EPM2A: variants seen among roughly 807,000 people sequenced by gnomAD.
The protein encoded by EPM2A is laforin.
In EPM2A, 21 loss-of-function variants were observed where a neutral mutation model predicts 26.5. The ratio of observed to expected loss-of-function variants is 0.79; its 90% CI spans 0.56 to 1.14. The LOEUF (loss-of-function observed/expected upper bound fraction) is 1.14, where lower values mean the gene tolerates loss of function less well. Among genes scored for constraint, EPM2A ranks in the 50% most tolerant of loss-of-function variants. The probability of loss-of-function intolerance (pLI) is 0.00; values close to 1 mark genes in which losing one functional copy is unlikely to be tolerated. For missense variants in EPM2A, 458 were observed against 440.8 expected, an observed-to-expected ratio of 1.04 and a Z score of -0.35; for synonymous variants, 217 against 177.6, an observed-to-expected ratio of 1.22 and a Z score of -1.76.
rs1178059041 is a variant in EPM2A, at chr6:145,502,911, T to C, written c.341-336A>G. Reference sequence around the variant, plus strand: ...TAATGCAGATTCATAATATTCATGATGAATACATATTAAGATTATTTTGAA... The same window carrying C: ...TAATGCAGATTCATAATATTCATGACGAATACATATTAAGATTATTTTGAA... On this transcript the variant is annotated intron_variant, in intron 2 of 3. Coordinates refer to the EPM2A transcript ENST00000450221. 2.0e-5 allele frequency among the ~76,000 whole-genome samples: 3 copies of C among 152,356 alleles called. No homozygotes were observed. In the East Asian group the frequency reaches 5.8e-4, roughly 29 times the overall value.
At chr6:145,534,372 C>G (rs904239036) in intron 2 of EPM2A, among the ~76,000 whole-genome samples, 1 of 152,194 alleles carries the variant, frequency 6.6e-6, no homozygotes, top group Non-Finnish European at 1.5e-5. Flanking sequence ...CAAGACAATT[C>G]AGAAAGTTTT....
chr6:145,393,534 C>T lies in EPM2A; in HGVS notation c.556-9437G>A, dbSNP rs148872576. Among the ~76,000 whole-genome samples the T allele has an allele frequency of 1.6e-3, 249 of 152,150 alleles. 2 individuals carry two copies. Among genetic ancestry groups the T allele is most frequent in the African/African-American group, 5.4e-3 (226 of 41,528 alleles). ...CCCCATTATAAGAATAGGGGTACTA[C>T]GACGAAGGGAAGAGAATTTTTCTTT... is the stretch of plus-strand genomic sequence containing the variant. On this transcript the variant is annotated intron_variant, in intron 4 of 4. Transcript: ENST00000638717.
intron 2 of EPM2A, among the ~76,000 whole-genome samples, chr6:145,562,590 T>C (rs1780821178): frequency 6.6e-6 from 1 of 152,112 alleles, no homozygotes; most frequent in African/African-American, 2.4e-5. Flanking sequence ...TGAAAGGAAA[T>C]TCAACTTGAG....
At chr6:145,732,799 T>C (rs1300794184) in intron 1 of EPM2A, among the ~76,000 whole-genome samples, 4 of 152,196 alleles carry the variant, frequency 2.6e-5, no homozygotes, top group African/African-American at 4.8e-5. Context: ...TTCCCAATAA[T>C]CATAGTAAAA....
At chr6:145,392,664 T>A (rs959951588) in intron 4 of EPM2A, among the ~76,000 whole-genome samples, 3 of 152,128 alleles carry the variant, frequency 2.0e-5, no homozygotes, top group African/African-American at 4.8e-5. Flanking sequence ...ATCAAGGACT[T>A]CCCTAACCCT....
intron 4 of EPM2A, among the ~76,000 whole-genome samples, chr6:145,433,436 AT>A (rs1408456110): frequency 6.6e-6 from 1 of 151,980 alleles, no homozygotes; most frequent in African/African-American, 2.4e-5. Flanking sequence ...TTTTCTTTTT[AT>A]TCTGTATACT....
chr6:145,722,163 G>T (rs1775980183), intron 1 of EPM2A, among the ~76,000 whole-genome samples: 1 of 152,160 alleles, frequency 6.6e-6, no homozygotes, highest in African/African-American at 2.4e-5. Flanking sequence ...TTTTATTTTG[G>T]ATTTGTAGAA....
At chr6:145,677,428 G>A (rs1002892135) in intron 2 of EPM2A, among the ~76,000 whole-genome samples, 1 of 152,104 alleles carries the variant, frequency 6.6e-6, no homozygotes, top group African/African-American at 2.4e-5. Context: ...GGAAGTTCTG[G>A]CCAGGACAAT....
intron 4 of EPM2A, among the ~76,000 whole-genome samples, chr6:145,440,798 G>A (rs1779052112): frequency 5.9e-5 from 9 of 152,198 alleles, no homozygotes; most frequent in Admixed American, 5.9e-4. Flanking sequence ...GTAACAGGTG[G>A]GCTCCCACAG....
chr6:145,542,102 G>A (rs1487764317), intron 2 of EPM2A, among the ~76,000 whole-genome samples: 1 of 152,132 alleles, frequency 6.6e-6, no homozygotes, highest in Non-Finnish European at 1.5e-5. Context: ...AAAACATTGA[G>A]TTAGAAAGTC....
intron 4 of EPM2A, among the ~76,000 whole-genome samples, chr6:145,485,734 C>A (rs1486412855): frequency 6.6e-6 from 1 of 152,020 alleles, no homozygotes; most frequent in African/African-American, 2.4e-5. Flanking sequence ...AAGACATACC[C>A]AAGACTGGGT....
intron 2 of EPM2A, among the ~76,000 whole-genome samples, chr6:145,587,873 A>T (rs1781219050): frequency 6.6e-6 from 1 of 152,212 alleles, no homozygotes; most frequent in African/African-American, 2.4e-5. Flanking sequence ...AATTTATCTT[A>T]TTCTCAATAA....
At position 145,626,043 on chromosome 6, in the gene EPM2A, A is replaced by G. The variant is rs1327609745; in HGVS notation, c.*1373T>C. On this transcript the variant is annotated 3_prime_UTR_variant, in exon 4 of 4. Transcript: ENST00000367519. ...TTTCCCCATCTTTATCATGGAGATA[A>G]TGAGACCTTCTTCATTGGATATTGT... The G allele has an allele frequency of 1.1e-5, 13 of 1,150,882 alleles. No individual in the cohort carries two copies. 71.3% of individuals were successfully genotyped at this position (1,150,882 alleles called of 1,614,324 possible).
intron 2 of EPM2A, among the ~76,000 whole-genome samples, chr6:145,582,517 G>A (rs1160452847): frequency 6.6e-6 from 1 of 152,128 alleles, no homozygotes; most frequent in Admixed American, 6.5e-5. Flanking sequence ...TCTGCTAAAT[G>A]GTCCACTTTA....
rs577073240 is a variant in EPM2A at position 145,506,900 on chromosome 6, G to A, written c.341-4325C>T. Among the ~76,000 whole-genome samples, 9 of 152,306 alleles carry A rather than the reference G, an allele frequency of 5.9e-5. No individual in the cohort carries two copies. The Middle Eastern group carries it at 0.014, about 230-fold the overall frequency. ...GTAAGAGAGAATAGATGAGAAACAA[G>A]CAAATAGGGTCCAGGATGCTTGCTG... is the stretch of plus-strand genomic sequence containing the variant. On this transcript the variant is annotated intron_variant, in intron 2 of 3. Transcript: ENST00000450221.
intron 2 of EPM2A, among the ~76,000 whole-genome samples, chr6:145,598,969 C>G (rs1056478993): frequency 1.3e-5 from 2 of 152,146 alleles, no homozygotes; most frequent in African/African-American, 4.8e-5. Context: ...GTCTACATTC[C>G]TGTTTTAATA....
intron 2 of EPM2A, among the ~76,000 whole-genome samples, chr6:145,559,717 C>A (rs1780779023): frequency 7.0e-6 from 1 of 142,814 alleles, no homozygotes. Flanking sequence ...AACACGTAAA[C>A]ACCAAATCAC....
downstream of EPM2A, among the ~76,000 whole-genome samples, chr6:145,622,616 T>C (rs1289960805): frequency 6.6e-6 from 1 of 152,176 alleles, no homozygotes; most frequent in African/African-American, 2.4e-5. Flanking sequence ...GAATACCATG[T>C]GAAGATGAAG....
At chr6:145,731,734 T>C (rs936544551) in intron 1 of EPM2A, among the ~76,000 whole-genome samples, 3 of 152,038 alleles carry the variant, frequency 2.0e-5, no homozygotes, top group African/African-American at 7.2e-5. Flanking sequence ...TCTGCACATA[T>C]ATGTCATTTT....
Sources: gnomAD v4.1 joint callset for allele counts (sites outside exome capture counted in the v4.1 genomes callset) on GRCh38, gnomAD v4.1.1 for gene constraint, MANE v1.5 for transcripts, NCBI Gene and HGNC (gene_info 2026-07-23, HGNC 2026-07-21) for gene names.